Variants in CHCHD3 observed in about 807,000 individuals in gnomAD.
CHCHD3 encodes the protein MICOS complex subunit MIC19.
Under a neutral mutation model 38.2 loss-of-function variants are expected in CHCHD3, and 20 were observed. The ratio of observed to expected loss-of-function variants is 0.52; its 90% CI spans 0.37 to 0.76. CHCHD3 has a LOEUF of 0.76. CHCHD3 is among the 30% of genes least tolerant of loss of function. CHCHD3 has a pLI of 0.00. For missense variants in CHCHD3, 245 were observed against 279.2 expected (o/e 0.88, Z 0.87); for synonymous variants, 82 against 100.0 (o/e 0.82, Z 1.07).
intron 3 of CHCHD3, among the ~76,000 whole-genome samples, chr7:133,010,382 A>G (rs1812832356): frequency 6.6e-6 from 1 of 152,198 alleles, no homozygotes; most frequent in African/African-American, 2.4e-5. Flanking sequence ...ATATATGCAC[A>G]GCGCACAGTA....
Position 132,788,880 on chromosome 7 carries a change from A to G in CHCHD3, c.661-3220T>C, listed in dbSNP as rs924212409. Among the ~76,000 whole-genome samples, 1 of 152,224 alleles carries G rather than the reference A, an allele frequency of 6.6e-6. No individual in the cohort carries two copies. Among genetic ancestry groups the G allele is most frequent in the African/African-American group, 2.4e-5 (1 of 41,472 alleles). ...TTTTGTCAAACTGCACTCACTTGCT[A>G]CCAAAGGGTGGCAGGGGTGGTACAA... On this transcript the variant is annotated intron_variant, in intron 7 of 7. Coordinates refer to ENST00000262570, the MANE Select transcript of CHCHD3 (RefSeq NM_017812.4). The surrounding 1 kb of genome is among the most constrained non-coding windows in gnomAD (Gnocchi z 4.0).
chr7:132,895,580 G>A (rs1319855375), intron 4 of CHCHD3, among the ~76,000 whole-genome samples: 1 of 152,246 alleles, frequency 6.6e-6, no homozygotes, highest in African/African-American at 2.4e-5. Flanking sequence ...GGGACCCACT[G>A]GGAAGTAACT....
At chr7:133,076,899 T>C (rs192337518) in intron 1 of CHCHD3, among the ~76,000 whole-genome samples, 16 of 152,308 alleles carry the variant, frequency 1.1e-4, no homozygotes, top group African/African-American at 3.1e-4. Context: ...TCCTAGCAAA[T>C]TGATTCAAGA....
At chr7:132,909,250 T>G (rs1809877345) in intron 4 of CHCHD3, among the ~76,000 whole-genome samples, 1 of 152,130 alleles carries the variant, frequency 6.6e-6, no homozygotes, top group Non-Finnish European at 1.5e-5. Context: ...TCCCCGCACT[T>G]TGGGAGGCTG....
chr7:132,851,706 G>A (rs1808222811), intron 5 of CHCHD3, among the ~76,000 whole-genome samples: 1 of 152,188 alleles, frequency 6.6e-6, no homozygotes, highest in Non-Finnish European at 1.5e-5. Flanking sequence ...ACCAGCACAG[G>A]AACCTCCCAT....
chr7:133,014,473 T>A (rs964830326), intron 3 of CHCHD3, among the ~76,000 whole-genome samples: 11 of 152,176 alleles, frequency 7.2e-5, no homozygotes, highest in Admixed American at 6.5e-4. Context: ...AAATTCAATA[T>A]TCTAGTTCCA....
chr7:132,958,381 A>G (rs1418696015), intron 4 of CHCHD3, among the ~76,000 whole-genome samples: 1 of 152,222 alleles, frequency 6.6e-6, no homozygotes, highest in Non-Finnish European at 1.5e-5. Context: ...TTCAAGTATA[A>G]GAAAAAAATT....
chr7:132,841,806 A>G (rs1401845701), intron 5 of CHCHD3, among the ~76,000 whole-genome samples: 1 of 152,132 alleles, frequency 6.6e-6, no homozygotes, highest in African/African-American at 2.4e-5. Flanking sequence ...TTGGCTTAAA[A>G]TATTTTATAG....
chr7:133,080,296 A>C (rs1255295470), intron 1 of CHCHD3, among the ~76,000 whole-genome samples: 1 of 152,126 alleles, frequency 6.6e-6, no homozygotes, highest in Non-Finnish European at 1.5e-5. Flanking sequence ...TTTTTAGACA[A>C]TTTTTCCATT....
At chr7:132,801,709 G>A (rs899873160) in intron 6 of CHCHD3, among the ~76,000 whole-genome samples, 2 of 152,198 alleles carry the variant, frequency 1.3e-5, no homozygotes, top group African/African-American at 4.8e-5. Flanking sequence ...TACAGCTTGG[G>A]CTTTAAAAGA....
At chr7:133,054,084 A>G (rs1308585126) in intron 2 of CHCHD3, among the ~76,000 whole-genome samples, 1 of 152,256 alleles carries the variant, frequency 6.6e-6, no homozygotes, top group East Asian at 1.9e-4. Flanking sequence ...GAGAAGTACA[A>G]GATCAACAGG....
chr7:133,012,796 G>GGAGGGGAAGA (rs1332131537), intron 3 of CHCHD3, among the ~76,000 whole-genome samples: 5 of 132,918 alleles, frequency 3.8e-5, no homozygotes, highest in Non-Finnish European at 6.5e-5. Context: ...AGAGGGGAGG[G>GGAGGGGAAGA]GAGGGGAGGG....
At chr7:133,038,894 T>C (rs1813752646) in intron 2 of CHCHD3, among the ~76,000 whole-genome samples, 1 of 152,218 alleles carries the variant, frequency 6.6e-6, no homozygotes, top group African/African-American at 2.4e-5. Flanking sequence ...CAATTGAAAA[T>C]ATAACTTCAA....
chr7:132,801,634 C>T (rs914002332), intron 6 of CHCHD3, among the ~76,000 whole-genome samples: 9 of 152,196 alleles, frequency 5.9e-5, no homozygotes, highest in African/African-American at 1.9e-4. Flanking sequence ...CTTAGCTCAA[C>T]GAACCAGTCA....
intron 4 of CHCHD3, among the ~76,000 whole-genome samples, chr7:132,940,191 A>AT (rs1032858401): frequency 6.6e-5 from 10 of 152,328 alleles, no homozygotes; most frequent in African/African-American, 2.2e-4. Context: ...GAAATACTAC[A>AT]TGAGGCAATG....
chr7:132,924,911 A>G (rs1200928572), intron 4 of CHCHD3, among the ~76,000 whole-genome samples: 1 of 152,192 alleles, frequency 6.6e-6, no homozygotes, highest in Non-Finnish European at 1.5e-5. Flanking sequence ...AAATTCAACC[A>G]GATCCCATTT....
At chr7:132,910,094 C>T (rs370542256) in intron 4 of CHCHD3, among the ~76,000 whole-genome samples, 73 of 152,290 alleles carry the variant, frequency 4.8e-4, no homozygotes, top group African/African-American at 1.7e-3. Flanking sequence ...GGATACAAAA[C>T]CTAAGCATAA....
intron 6 of CHCHD3, among the ~76,000 whole-genome samples, chr7:132,817,031 C>T (rs2117060587): frequency 6.6e-6 from 1 of 152,314 alleles, no homozygotes; most frequent in East Asian, 1.9e-4. Flanking sequence ...ACACAAAGGG[C>T]ATCCCTGTCT....
At chr7:132,950,239 C>CGACT (rs1166875741) in intron 4 of CHCHD3, among the ~76,000 whole-genome samples, 1 of 152,008 alleles carries the variant, frequency 6.6e-6, no homozygotes, top group Admixed American at 6.6e-5. Flanking sequence ...GTGACGGGAT[C>CGACT]GACTACATGC....
Sources: allele counts gnomAD v4.1 joint callset (sites outside exome capture counted in the v4.1 genomes callset), GRCh38; gene constraint gnomAD v4.1.1; non-coding constraint Gnocchi (gnomAD v3.1); transcripts MANE v1.5; gene names NCBI Gene and HGNC (gene_info 2026-07-23, HGNC 2026-07-21).